ADAT3: variants seen among roughly 807,000 people sequenced by gnomAD.
ADAT3 encodes the protein tRNA-specific adenosine-34 deaminase regulatory subunit ADAT3.
ADAT3 carries 2 observed loss-of-function variants against 3.5 expected under a neutral mutation model. The ratio of observed to expected loss-of-function variants is 0.57; its 90% CI spans 0.23 to 1.79. ADAT3 has a LOEUF of 1.79. ADAT3 is among the 40% of genes most tolerant of loss of function. The pLI is 0.18. For synonymous variants in ADAT3, 358 were observed against 270.3 expected, an observed-to-expected ratio of 1.32 and a Z score of -3.18; for missense variants, 735 against 571.4, an observed-to-expected ratio of 1.29 and a Z score of -2.92.
rs1171712499 is a variant in ADAT3, at chr19:1,912,937, G to C, written c.890G>C (p.Gly297Ala). The C allele has an allele frequency of 1.2e-6, 2 of 1,610,298 alleles. No homozygotes were observed. Among genetic ancestry groups the C allele is most frequent in the African/African-American group, 1.3e-5 (1 of 75,028 alleles). Reference sequence around the variant, plus strand: ...GACGGCCTCCCCTACCTGTGCACTGGCTACGACCTGTACGTGACCCGCGAG... The same window carrying C: ...GACGGCCTCCCCTACCTGTGCACTGCCTACGACCTGTACGTGACCCGCGAG... ...DEDGLPYLCT[G>A]YDLYVTREPC... The change falls in exon 2 of 2, where the codon GGC becomes GCC. Residue 297 changes from glycine to alanine, a missense_variant. Transcript: ENST00000329478.
chr19:1,906,332 G>C (rs7408452), intron 1 of ADAT3: 110,029 of 151,920 alleles, frequency 0.72, 40,122 homozygotes, highest in Middle Eastern at 0.8. Context: ...TGTACTCCAG[G>C]CTGAGCAAGC....
chr19:1,906,873 T>TGTGTGTGTGTGTGG (rs2013150525), intron 1 of ADAT3: 1 of 132,556 alleles, frequency 7.5e-6, no homozygotes, highest in Admixed American at 7.9e-5. Context: ...AAATTGTGTG[T>TGTGTGTGTGTGTGG]GTGTGTGTGT....
rs868042407 is a variant in ADAT3 at position 1,908,117 on chromosome 19, G to A, written c.-159+2678G>A. The A allele has an allele frequency of 2.3e-4, 52 of 221,856 alleles. No individual in the cohort carries two copies. In the Middle Eastern group the frequency reaches 5.4e-3, roughly 23 times the overall value. 13.7% of individuals were successfully genotyped at this position (221,856 alleles called of 1,614,324 possible). On this transcript the variant is annotated intron_variant, in intron 1 of 1. Transcript: ENST00000329478. This position sits in a 1 kb window ranked among gnomAD's most constrained non-coding sequence, Gnocchi z 4.2. ...CAGTGGAGTGTTTGTGGCCTAGCAGGGCCGTGCGGGCCTCTCGGTCCTGGT... is the reference window on the plus strand; with the variant it reads ...CAGTGGAGTGTTTGTGGCCTAGCAGAGCCGTGCGGGCCTCTCGGTCCTGGT...
At chr19:1,906,865 ATT>A (rs1491373319) in intron 1 of ADAT3, 1 of 42,964 alleles carries the variant, frequency 2.3e-5, no homozygotes, top group Non-Finnish European at 4.3e-5. Flanking sequence ...AAAAAAAAAA[ATT>A]GTGTGTGTGT....
intron 1 of ADAT3, among the ~76,000 whole-genome samples, chr19:1,909,993 G>T (rs1403415814): frequency 6.6e-6 from 1 of 152,244 alleles, no homozygotes; most frequent in East Asian, 1.9e-4. Context: ...TGGGTGTTCC[G>T]TGTCAGTGCC....
At position 1,912,491 on chromosome 19, in the gene ADAT3, G is replaced by A. The variant is rs937114381; in HGVS notation, c.444G>A (p.Pro148=). The A allele has an allele frequency of 1.3e-4, 190 of 1,497,208 alleles. 1 individual carries two copies. The highest frequency in any genetic ancestry group is 1.6e-4 in the Non-Finnish European group (177 of 1,130,888). The allele number at this position is 1,497,208 out of a possible 1,614,324, so 92.7% of individuals were successfully genotyped here. The change falls in exon 2 of 2, where the codon CCG becomes CCA. Residue 148 remains proline, a synonymous_variant. Coordinates refer to ENST00000329478, the MANE Select transcript of ADAT3 (RefSeq NM_138422.4). The part of the protein sequence containing the change: ...QPFLVPVPAR[P]PLTRGQFEEA... ...TCCTGGTGCCCGTGCCCGCCCGGCC[G>A]CCTCTGACCAGGGGCCAGTTCGAGG... is the stretch of plus-strand genomic sequence containing the variant.
rs758835690 is a variant in ADAT3 at position 1,912,186 on chromosome 19, G to A, written c.139G>A (p.Val47Ile). 2.5e-6 allele frequency: 4 copies of A among 1,582,168 alleles called. 1 individual carries two copies. The highest frequency in any genetic ancestry group is 2.3e-5 in the East Asian group (1 of 43,624). ...GCCGGCGCCGTGGCAGGCCCTCCCT[G>A]TCCTGTCCGAGAAGCAGTCAGGGGA... ...PEPAPWQALPVLSEKQSGDVE... is the reference protein window; with the variant it reads ...PEPAPWQALPILSEKQSGDVE... The change falls in exon 2 of 2, where the codon GTC becomes ATC. Residue 47 changes from valine (V) to isoleucine (I), a missense_variant. Coordinates refer to ENST00000329478, the MANE Select transcript of ADAT3 (RefSeq NM_138422.4).
intron 1 of ADAT3, among the ~76,000 whole-genome samples, chr19:1,909,787 C>T (rs1474142018): frequency 6.6e-6 from 1 of 152,206 alleles, no homozygotes; most frequent in Non-Finnish European, 1.5e-5. Flanking sequence ...AGCAGGGACA[C>T]CCCAGTGGCT....
chr19:1,908,393 C>T lies in ADAT3; in HGVS notation c.-159+2954C>T. On this transcript the variant is annotated intron_variant, in intron 1 of 1. Transcript: ENST00000329478. This position sits in a 1 kb window ranked among gnomAD's most constrained non-coding sequence, Gnocchi z 4.2. ...GCTGGTCCCCCATCTGTGGGGCGCC[C>T]CGGCGGCTGAGGCGTGGACCAGGCA... 1 of 418,318 alleles carries T rather than the reference C, an allele frequency of 2.4e-6. No individual in the cohort carries two copies. Among genetic ancestry groups the T allele is most frequent in the South Asian group, 1.8e-5 (1 of 57,042 alleles). The allele number at this position is 418,318 out of a possible 1,614,324, so 25.9% of individuals were successfully genotyped here.
intron 1 of ADAT3, among the ~76,000 whole-genome samples, chr19:1,910,949 C>A (rs2013411711): frequency 1.3e-5 from 2 of 151,890 alleles, no homozygotes; most frequent in South Asian, 4.1e-4. Context: ...TCAATGTAAC[C>A]TGCGCCTCCC....
In ADAT3 at chr19:1,912,475, C is replaced by A; in HGVS notation, c.428C>A (p.Pro143His). 1 of 1,500,608 alleles carries A rather than the reference C, an allele frequency of 6.7e-7. No individual in the cohort carries two copies. The highest frequency in any genetic ancestry group is 1.2e-5 in the South Asian group (1 of 80,416). The allele number at this position is 1,500,608 out of a possible 1,614,324, so 93.0% of individuals were successfully genotyped here. ...PRGLGQPFLV[P>H]VPARPPLTRG... ...GGCCTGGGGCAACCCTTCCTGGTGCCCGTGCCCGCCCGGCCGCCTCTGACC... is the reference window on the plus strand; with the variant it reads ...GGCCTGGGGCAACCCTTCCTGGTGCACGTGCCCGCCCGGCCGCCTCTGACC... The change falls in exon 2 of 2, where the codon CCC becomes CAC. Residue 143 changes from proline to histidine, a missense_variant. Coordinates refer to ENST00000329478, the MANE Select transcript of ADAT3 (RefSeq NM_138422.4).
At chr19:1,911,484 T>A (rs923153876) in intron 1 of ADAT3, among the ~76,000 whole-genome samples, 3 of 152,228 alleles carry the variant, frequency 2.0e-5, no homozygotes. Flanking sequence ...TGAATTGTGC[T>A]TTTGAAAATG....
In ADAT3 at chr19:1,912,608, C is replaced by G; in HGVS notation, c.561C>G (p.Ala187=). Residue 187 remains alanine, a synonymous_variant, in exon 2 of 2, where the codon GCC becomes GCG. Coordinates refer to ENST00000329478, the MANE Select transcript of ADAT3 (RefSeq NM_138422.4). ...GGCTCTTCTCCACGCAGGAGCGCGC[C>G]GCCATGCAGAGCCACATGGAGCGGG... is the stretch of plus-strand genomic sequence containing the variant. The part of the protein sequence containing the change: ...AGRLFSTQER[A]AMQSHMERAV... 2.0e-6 allele frequency: 3 copies of G among 1,481,834 alleles called. No homozygotes were observed. The highest frequency in any genetic ancestry group is 2.7e-6 in the Non-Finnish European group (3 of 1,122,822). The allele number at this position is 1,481,834 out of a possible 1,614,324, so 91.8% of individuals were successfully genotyped here. A position where few individuals can be genotyped will look rare whatever the true frequency, so the allele number is the denominator to read the frequency against.
In ADAT3 at chr19:1,911,917, C is replaced by A; in HGVS notation, c.-131C>A. The A allele has an allele frequency of 8.3e-7, 1 of 1,206,352 alleles. No homozygotes were observed. The highest frequency in any genetic ancestry group is 1.1e-6 in the Non-Finnish European group (1 of 913,766). The allele number at this position is 1,206,352 out of a possible 1,614,324, so 74.7% of individuals were successfully genotyped here. ...GTTAGCAGGACATGAGGGAGTGTAG[C>A]TCTGATGCGGTGACCTGGGCCGGAG... is the stretch of plus-strand genomic sequence containing the variant. On this transcript the variant is annotated 5_prime_UTR_variant, in exon 2 of 2. Coordinates refer to ENST00000329478, the MANE Select transcript of ADAT3 (RefSeq NM_138422.4).
Position 1,912,965 on chromosome 19 carries a change from C to CTGCGCCATG in ADAT3, c.928_936dup (p.Cys310_Met312dup). ...ACGACCTGTACGTGACCCGCGAGCCCTGCGCCATGTGCGCCATGGCCCTGG... is the reference window on the plus strand; with the variant it reads ...ACGACCTGTACGTGACCCGCGAGCCCTGCGCCATGTGCGCCATGTGCGCCATGGCCCTGG... On this transcript the variant is annotated inframe_insertion, in exon 2 of 2. Transcript: ENST00000329478. 5 of 1,610,194 alleles carry CTGCGCCATG rather than the reference C, an allele frequency of 3.1e-6. No individual in the cohort carries two copies. Among genetic ancestry groups the CTGCGCCATG allele is most frequent in the East Asian group, 4.5e-5 (2 of 44,844 alleles).
At chr19:1,909,059 C>T (rs1248336954) in intron 1 of ADAT3, among the ~76,000 whole-genome samples, 1 of 150,304 alleles carries the variant, frequency 6.7e-6, no homozygotes, top group African/African-American at 2.5e-5. Context: ...GAGCTGAGAT[C>T]ATGCCACTGC....
In ADAT3 at chr19:1,912,692, A is replaced by G; in HGVS notation, c.645A>G (p.Val215=). 6.8e-7 allele frequency: 1 copy of G among 1,474,418 alleles called. No homozygotes were observed. Among genetic ancestry groups the G allele is most frequent in the Non-Finnish European group, 8.9e-7 (1 of 1,122,176 alleles). The allele number at this position is 1,474,418 out of a possible 1,614,324, so 91.3% of individuals were successfully genotyped here. A position where few individuals can be genotyped will look rare whatever the true frequency, so the allele number is the denominator to read the frequency against. The change falls in exon 2 of 2, where the codon GTA becomes GTG. Residue 215 remains valine, a synonymous_variant. Coordinates refer to ENST00000329478, the MANE Select transcript of ADAT3 (RefSeq NM_138422.4). ...GCTTGCGGGCCGTGGGGGCCGTGGTAGTGGACCCGGCCTCGGACCGCGTGC... is the reference window on the plus strand; with the variant it reads ...GCTTGCGGGCCGTGGGGGCCGTGGTGGTGGACCCGGCCTCGGACCGCGTGC... ...ARGLRAVGAV[V]VDPASDRVLA...
chr19:1,908,087 G>A lies in ADAT3; in HGVS notation c.-159+2648G>A, dbSNP rs963947519. 2 of 186,512 alleles carry A rather than the reference G, an allele frequency of 1.1e-5. No individual in the cohort carries two copies. The highest frequency in any genetic ancestry group is 2.4e-5 in the African/African-American group (1 of 41,618). The allele number at this position is 186,512 out of a possible 1,614,324, so 11.6% of individuals were successfully genotyped here. A position where few individuals can be genotyped will look rare whatever the true frequency, so the allele number is the denominator to read the frequency against. ...CGAGGCTGTGTTTGTCTTTTACCCT[G>A]GAGACAGTGGAGTGTTTGTGGCCTA... is the stretch of plus-strand genomic sequence containing the variant. On this transcript the variant is annotated intron_variant, in intron 1 of 1. Transcript: ENST00000329478. This position sits in a 1 kb window ranked among gnomAD's most constrained non-coding sequence, Gnocchi z 4.2.
Position 1,913,134 on chromosome 19 carries a change from C to A in ADAT3, c.1087C>A (p.Leu363Met), listed in dbSNP as rs948733530. The change falls in exon 2 of 2, where the codon CTG becomes ATG. Residue 363 changes from leucine to methionine, a missense_variant. By Grantham distance (15) the Leu-to-Met change is conservative. Transcript: ENST00000329478. ...GGTGCTGGAGGAGCAGTGCCGCTGG[C>A]TGGACCCCGACACGTAGGCGCCGCC... Reference protein sequence around the residue: ...RGVLEEQCRWLDPDT With the variant: ...RGVLEEQCRWMDPDT The A allele has an allele frequency of 3.8e-6, 6 of 1,567,314 alleles. No homozygotes were observed. In the African/African-American group the frequency reaches 8.1e-5, roughly 21 times the overall value.
Sources: allele counts gnomAD v4.1 joint callset (sites outside exome capture counted in the v4.1 genomes callset), GRCh38; gene constraint gnomAD v4.1.1; non-coding constraint Gnocchi (gnomAD v3.1); transcripts MANE v1.5; gene names NCBI Gene and HGNC (gene_info 2026-07-23, HGNC 2026-07-21).